Variants in NEO1 observed in about 807,000 individuals in gnomAD.
The protein encoded by NEO1 is neogenin.
NEO1 carries 63 observed loss-of-function variants against 159.7 expected under a neutral mutation model. That is an observed-to-expected ratio of 0.39 (90% CI 0.32 to 0.49). The LOEUF is 0.49. NEO1 is among the 20% of genes least tolerant of loss of function. The pLI is 0.85. For missense variants in NEO1, 1,615 were observed against 1,831.0 expected, an observed-to-expected ratio of 0.88 and a Z score of 2.15; for synonymous variants, 633 against 662.0, an observed-to-expected ratio of 0.96 and a Z score of 0.67.
intron 7 of NEO1, among the ~76,000 whole-genome samples, chr15:73,213,195 C>CTTT (rs1170596402): frequency 2.6e-5 from 4 of 152,124 alleles, no homozygotes; most frequent in Admixed American, 1.3e-4. Flanking sequence ...GGCATGGGCT[C>CTTT]TTTTTGTTGT....
At chr15:73,141,203 A>G (rs2032354042) in intron 5 of NEO1, among the ~76,000 whole-genome samples, 7 of 152,256 alleles carry the variant, frequency 4.6e-5, no homozygotes, top group Admixed American at 4.6e-4. Flanking sequence ...GATTTTGAGA[A>G]ATAGTTGGAG....
At chr15:73,098,589 C>T (rs1346520593) in intron 1 of NEO1, among the ~76,000 whole-genome samples, 1 of 152,162 alleles carries the variant, frequency 6.6e-6, no homozygotes, top group Non-Finnish European at 1.5e-5. Flanking sequence ...ATTTTACAGT[C>T]TTGCGTACAA....
intron 26 of NEO1, among the ~76,000 whole-genome samples, chr15:73,295,138 ATATATG>A (rs1280807061): frequency 8.4e-5 from 12 of 142,562 alleles, no homozygotes; most frequent in South Asian, 2.2e-4. Flanking sequence ...ATATATATAT[ATATATG>A]TAAAAATTTG....
chr15:73,264,615 T>A (rs1037074877), intron 15 of NEO1, among the ~76,000 whole-genome samples: 5 of 152,194 alleles, frequency 3.3e-5, no homozygotes, highest in African/African-American at 1.2e-4. Flanking sequence ...AGATCTAAGA[T>A]GCCTATGATG....
chr15:73,220,511 C>T (rs189628060), intron 7 of NEO1, among the ~76,000 whole-genome samples: 2,770 of 152,274 alleles, frequency 0.018, 44 homozygotes, highest in Middle Eastern at 0.085. Context: ...TGGATAATAT[C>T]CTGCAGAGTG....
Position 73,260,353 on chromosome 15 carries a change from G to T in NEO1, c.2286G>T (p.Glu762Asp), listed in dbSNP as rs1638426007. Reference sequence around the variant, plus strand: ...TCGTAGTGAGCTGGACTCCTCCAGAGAATCAGAACATTGTGGTCAGAGGTT... The same window carrying T: ...TCGTAGTGAGCTGGACTCCTCCAGATAATCAGAACATTGTGGTCAGAGGTT... Reference protein sequence around the residue: ...TSIVVSWTPPENQNIVVRGYA... With the variant: ...TSIVVSWTPPDNQNIVVRGYA... Residue 762 changes from glutamate (E) to aspartate (D), a missense_variant, in exon 15 of 29, where the codon GAG (glutamate) becomes GAT (aspartate). By Grantham distance (45) the Glu-to-Asp change is conservative (BLOSUM62 2). Coordinates refer to ENST00000261908, the MANE Select transcript of NEO1 (RefSeq NM_002499.4). 6.2e-7 allele frequency: 1 copy of T among 1,613,920 alleles called. No homozygotes were observed. Among genetic ancestry groups the T allele is most frequent in the South Asian group, 1.1e-5 (1 of 91,082 alleles).
At chr15:73,236,205 TTTG>T in intron 7 of NEO1, 139 bp from the exon 8 acceptor site, 1 of 1,128,322 alleles carries the variant, frequency 8.9e-7, no homozygotes, top group Non-Finnish European at 1.3e-6. Flanking sequence ...TTATTTCTTT[TTTG>T]TTTTTTGTTT....
chr15:73,212,267 A>G (rs2037624735), intron 7 of NEO1, among the ~76,000 whole-genome samples: 2 of 152,170 alleles, frequency 1.3e-5, no homozygotes, highest in South Asian at 4.2e-4. Flanking sequence ...TCCATCCCCC[A>G]TATCATCCTT....
In NEO1 at chr15:73,253,410, T is replaced by C. The variant is rs928403395; in HGVS notation, c.1905T>C (p.Ala635=). Residue 635 remains alanine (A), a synonymous_variant, in exon 12 of 29, where the codon GCT becomes GCC. Coordinates refer to ENST00000261908, the MANE Select transcript of NEO1 (RefSeq NM_002499.4). ...AVRTLSDVPS[A]APQNLSLEVR... ...TTTTTGTTTCTCTAGTTCCCAGTGC[T>C]GCTCCTCAGAATCTGTCCTTGGAAG... is the stretch of plus-strand genomic sequence containing the variant. The C allele has an allele frequency of 6.3e-7, 1 of 1,589,080 alleles. No individual in the cohort carries two copies.
chr15:73,302,882 T>C lies in NEO1; in HGVS notation c.*186T>C. ...GCCACCTGCCTTCCCCTGGTCAGCC[T>C]GGAAGAAGCCTGTGTCGAGGCAGCT... On this transcript the variant is annotated 3_prime_UTR_variant, in exon 29 of 29. Transcript: ENST00000261908. 1 of 564,294 alleles carries C rather than the reference T, an allele frequency of 1.8e-6. No homozygotes were observed. The highest frequency in any genetic ancestry group is 3.2e-6 in the Non-Finnish European group (1 of 316,306). The allele number at this position is 564,294 out of a possible 1,614,324, so 35.0% of individuals were successfully genotyped here. A position where few individuals can be genotyped will look rare whatever the true frequency, so the allele number is the denominator to read the frequency against.
rs1456879446 is a variant in NEO1 at position 73,082,962 on chromosome 15, TA to T, written c.130+30160del. 2.0e-5 allele frequency among the ~76,000 whole-genome samples: 3 copies of T among 152,146 alleles called. No individual in the cohort carries two copies. The East Asian group carries it at 5.8e-4, about 29-fold the overall frequency. ...GCTAAAATGTGTGTCTGTATCCCTT[TA>T]AAGTGGGAAGGAGAGTGGCAAGTAT... On this transcript the variant is annotated intron_variant, in intron 1 of 28. Transcript: ENST00000261908.
In NEO1 at chr15:73,260,341, G is replaced by C. The variant is rs1555462268; in HGVS notation, c.2274G>C (p.Trp758Cys). Reference sequence around the variant, plus strand: ...TCGTTACTAGCATCGTAGTGAGCTGGACTCCTCCAGAGAATCAGAACATTG... The same window carrying C: ...TCGTTACTAGCATCGTAGTGAGCTGCACTCCTCCAGAGAATCAGAACATTG... ...RPLVTSIVVS[W>C]TPPENQNIVV... The change falls in exon 15 of 29, where the codon TGG becomes TGC. Residue 758 changes from tryptophan to cysteine, a missense_variant. Trp to Cys is a radical substitution (Grantham distance 215). This residue lies in a region of NEO1 where 1,018 missense variants were observed against 1,115.4 expected (regional missense o/e 0.91). Coordinates refer to ENST00000261908, the MANE Select transcript of NEO1 (RefSeq NM_002499.4). 1.9e-6 allele frequency: 3 copies of C among 1,614,006 alleles called. No individual in the cohort carries two copies.
chr15:73,057,804 C>T (rs2067783078), intron 1 of NEO1, among the ~76,000 whole-genome samples: 2 of 151,972 alleles, frequency 1.3e-5, no homozygotes, highest in African/African-American at 4.8e-5. Context: ...GAAATGTTTT[C>T]CTTTGACATT....
At chr15:73,167,830 A>C (rs893579740) in intron 5 of NEO1, among the ~76,000 whole-genome samples, 4 of 152,240 alleles carry the variant, frequency 2.6e-5, no homozygotes, top group African/African-American at 9.6e-5. Flanking sequence ...AGTTTGAGGA[A>C]CATTGCATTA....
At chr15:73,244,718 A>T (rs1456281000) in intron 9 of NEO1, among the ~76,000 whole-genome samples, 1 of 152,038 alleles carries the variant, frequency 6.6e-6, no homozygotes, top group Admixed American at 6.6e-5. Flanking sequence ...TGGGAGGCCG[A>T]GGCAAGCAGA....
At chr15:73,216,342 T>C (rs941751463) in intron 7 of NEO1, among the ~76,000 whole-genome samples, 2 of 152,202 alleles carry the variant, frequency 1.3e-5, no homozygotes, top group African/African-American at 4.8e-5. Flanking sequence ...TTGTTGGACA[T>C]TTGGGTTGGT....
intron 7 of NEO1, among the ~76,000 whole-genome samples, chr15:73,184,578 GAATA>G (rs1196618443): frequency 4.6e-5 from 7 of 152,234 alleles, no homozygotes; most frequent in South Asian, 2.1e-4. Context: ...GTAGGTGAAA[GAATA>G]AATAAACCGT....
chr15:73,198,639 G>A (rs1040012828), intron 7 of NEO1, among the ~76,000 whole-genome samples: 10 of 151,812 alleles, frequency 6.6e-5, no homozygotes, highest in African/African-American at 1.9e-4. Context: ...ATCTTATGAT[G>A]TATCTGTTTG....
Position 73,260,279 on chromosome 15 carries a change from G to A in NEO1, c.2212G>A (p.Val738Ile). Residue 738 changes from valine to isoleucine, a missense_variant, in exon 15 of 29, where the codon GTT becomes ATT. Transcript: ENST00000261908. ...CCACTTTTCCTTCCCAGAAACTCGT[G>A]TTCCTGAAGTGCCTAGCTCTCTTCA... ...TFESDLDETR[V>I]PEVPSSLHVR... The A allele has an allele frequency of 6.2e-7, 1 of 1,609,088 alleles. No homozygotes were observed. The highest frequency in any genetic ancestry group is 8.5e-7 in the Non-Finnish European group (1 of 1,177,856).
Sources: gnomAD v4.1 joint callset for allele counts (sites outside exome capture counted in the v4.1 genomes callset) on GRCh38, gnomAD v4.1.1 for gene constraint, gnomAD v4.1.1 regional missense constraint, MANE v1.5 for transcripts, NCBI Gene and HGNC (gene_info 2026-07-23, HGNC 2026-07-21) for gene names.